The following CEACAM19 variants were observed in gnomAD, a reference collection of about 807,000 sequenced individuals.
The protein encoded by CEACAM19 is CEA cell adhesion molecule 19.
A neutral mutation model predicts 37.6 loss-of-function variants in CEACAM19; 37 were observed. The ratio of observed to expected loss-of-function variants is 0.98; its 90% CI spans 0.76 to 1.29. CEACAM19 has a LOEUF of 1.29. Ranked by LOEUF, CEACAM19 falls within the 50% of genes most tolerant of loss-of-function variation. The probability of loss-of-function intolerance (pLI) is 0.00; values close to 1 mark genes in which losing one functional copy is unlikely to be tolerated. For synonymous variants in CEACAM19, 140 were observed against 149.8 expected (o/e 0.93, Z 0.48); for missense variants, 340 against 375.6 (o/e 0.91, Z 0.78).
At chr19:44,680,061 G>T (rs909192450) in intron 4 of CEACAM19, among the ~76,000 whole-genome samples, 24 of 152,138 alleles carry the variant, frequency 1.6e-4, no homozygotes, top group Admixed American at 5.2e-4. Flanking sequence ...TGATGTCTGG[G>T]GAACACTATT....
chr19:44,683,451 C>T lies in CEACAM19; in HGVS notation c.861C>T (p.Pro287=), dbSNP rs745830356. 40 of 1,563,134 alleles carry T rather than the reference C, an allele frequency of 2.6e-5. No individual in the cohort carries two copies. The highest frequency in any genetic ancestry group is 1.1e-4 in the South Asian group (9 of 84,802). The change falls in exon 8 of 8, where the codon CCC becomes CCT. Residue 287 remains proline, a synonymous_variant. Transcript: ENST00000358777. ...ENHQYQDLLN[P]DPAPYCQLVP... is the part of the protein sequence containing the mutation. Reference sequence around the variant, plus strand: ...CCCCCAAGCAGGACCTGCTAAACCCCGACCCTGCCCCCTACTGCCAGCTGG... The same window carrying T: ...CCCCCAAGCAGGACCTGCTAAACCCTGACCCTGCCCCCTACTGCCAGCTGG...
rs1001120458 is a variant in CEACAM19 at position 44,676,556 on chromosome 19, C to A, written c.575+135C>A. 1.1e-4 allele frequency: 88 copies of A among 819,034 alleles called. No individual in the cohort carries two copies. The East Asian group carries it at 2.3e-3, about 21-fold the overall frequency. The allele number at this position is 819,034 out of a possible 1,614,324, so 50.7% of individuals were successfully genotyped here. ...TTGGAACTCCTGGGGTGAAAAGAAT[C>A]TTTCTATCCTGTATTAAACAGAATT... is the stretch of plus-strand genomic sequence containing the variant. On this transcript the variant is annotated intron_variant, in intron 3 of 7. Coordinates refer to ENST00000358777, the MANE Select transcript of CEACAM19 (RefSeq NM_001127893.3).
In CEACAM19 at chr19:44,680,299, C is replaced by T; in HGVS notation, c.671C>T (p.Thr224Ile). ...SVTPSTWMATTEKPELGPAHD... is the reference protein window; with the variant it reads ...SVTPSTWMATIEKPELGPAHD... ...CTATGTGTCCCCAGGATGGCGACCA[C>T]AGAGAAGCCAGAATTGGGCCCTGCT... Residue 224 changes from threonine (T) to isoleucine (I), a missense_variant, in exon 5 of 8, where the codon ACA becomes ATA. By Grantham distance (89) the Thr-to-Ile change is moderately conservative. Coordinates refer to ENST00000358777, the MANE Select transcript of CEACAM19 (RefSeq NM_001127893.3). 6.2e-7 allele frequency: 1 copy of T among 1,610,394 alleles called. No individual in the cohort carries two copies. Among genetic ancestry groups the T allele is most frequent in the Non-Finnish European group, 8.5e-7 (1 of 1,179,430 alleles).
At chr19:44,681,833 G>C (rs977243623) in intron 6 of CEACAM19, among the ~76,000 whole-genome samples, 9 of 152,008 alleles carry the variant, frequency 5.9e-5, no homozygotes, top group Non-Finnish European at 5.9e-5. Flanking sequence ...GGGAGGCTGA[G>C]GAAGGAGAAT....
chr19:44,675,483 G>A (rs746012107), intron 2 of CEACAM19, among the ~76,000 whole-genome samples: 2 of 151,968 alleles, frequency 1.3e-5, no homozygotes, highest in Non-Finnish European at 2.9e-5. Flanking sequence ...CAACCGAAGT[G>A]AGAAAAAGCA....
chr19:44,679,343 G>A (rs533246216), intron 4 of CEACAM19, among the ~76,000 whole-genome samples: 87 of 152,304 alleles, frequency 5.7e-4, no homozygotes, highest in Non-Finnish European at 1.1e-3. Flanking sequence ...AGTGGCTCAT[G>A]CCTGTAATCC....
intron 2 of CEACAM19, among the ~76,000 whole-genome samples, chr19:44,674,105 G>T (rs530435078): frequency 6.6e-6 from 1 of 151,992 alleles, no homozygotes; most frequent in African/African-American, 2.4e-5. Flanking sequence ...AATTAGCTGG[G>T]CATGGTGGTA....
chr19:44,668,002 TAG>T (rs1329033024), upstream of CEACAM19, among the ~76,000 whole-genome samples: 36 of 106 alleles, frequency 0.34, 2 homozygotes, highest in Admixed American at 0.47. Context: ...TATATTTATA[TAG>T]ATTTATATTA....
At chr19:44,671,225 G>C (rs1415701935), upstream of CEACAM19, 2 of 153,564 alleles carry the variant, frequency 1.3e-5, no homozygotes, top group Non-Finnish European at 2.9e-5. Context: ...AAGTTCAAGT[G>C]ATTCTCCTGC....
Position 44,671,577 on chromosome 19 carries a change from C to T in CEACAM19, c.-355C>T, listed in dbSNP as rs1043475192. On this transcript the variant is annotated 5_prime_UTR_variant, in exon 1 of 8. Transcript: ENST00000358777. ...TGAGGCAGTGTGTGTTTGAACAAAC[C>T]CAGGGGAATTGTTCAAACAGAGGCT... is the stretch of plus-strand genomic sequence containing the variant. 15 of 412,816 alleles carry T rather than the reference C, an allele frequency of 3.6e-5. No homozygotes were observed. Among genetic ancestry groups the T allele is most frequent in the Non-Finnish European group, 6.4e-5 (15 of 233,910 alleles). 25.6% of individuals were successfully genotyped at this position (412,816 alleles called of 1,614,324 possible). A position where few individuals can be genotyped will look rare whatever the true frequency, so the allele number is the denominator to read the frequency against.
chr19:44,672,540 T>C lies in CEACAM19; in HGVS notation c.56-56T>C, dbSNP rs144908619. 23 of 1,428,658 alleles carry C rather than the reference T, an allele frequency of 1.6e-5. No homozygotes were observed. The East Asian group carries it at 4.6e-4, about 29-fold the overall frequency. The allele number at this position is 1,428,658 out of a possible 1,614,324, so 88.5% of individuals were successfully genotyped here. ...GAAGATCTGTATCTAGAGAGGAGCATGCCATGGTCCCTGGCAACACCCCTG... is the reference window on the plus strand; with the variant it reads ...GAAGATCTGTATCTAGAGAGGAGCACGCCATGGTCCCTGGCAACACCCCTG... On this transcript the variant is annotated intron_variant, in intron 1 of 7. Coordinates refer to ENST00000358777, the MANE Select transcript of CEACAM19 (RefSeq NM_001127893.3).
chr19:44,678,670 C>G, intron 3 of CEACAM19, 183 bp from the exon 4 acceptor site: 1 of 793,546 alleles, frequency 1.3e-6, no homozygotes, highest in Non-Finnish European at 1.8e-6. Context: ...CTTGGCCTCC[C>G]AAAGTGTTGG....
upstream of CEACAM19, among the ~76,000 whole-genome samples, chr19:44,668,325 T>C (rs1340366973): frequency 1.5e-5 from 1 of 66,914 alleles, no homozygotes; most frequent in Non-Finnish European, 2.3e-5. Context: ...ATTATATTTA[T>C]ATAATATGTT....
chr19:44,676,081 G>T (rs1051038530), intron 2 of CEACAM19, among the ~76,000 whole-genome samples, 190 bp from the exon 3 acceptor site: 2 of 152,068 alleles, frequency 1.3e-5, no homozygotes, highest in African/African-American at 4.8e-5. Flanking sequence ...GCTGGGACAT[G>T]TTGGATTTTA....
chr19:44,674,553 A>G (rs1243964740), intron 2 of CEACAM19, among the ~76,000 whole-genome samples: 1 of 151,808 alleles, frequency 6.6e-6, no homozygotes, highest in Non-Finnish European at 1.5e-5. Flanking sequence ...GGCGCATGCC[A>G]TCACACCCAG....
intron 2 of CEACAM19, among the ~76,000 whole-genome samples, chr19:44,674,101 C>T (rs748601268): frequency 1.3e-5 from 2 of 152,030 alleles, no homozygotes; most frequent in Non-Finnish European, 2.9e-5. Flanking sequence ...CAAAAATTAG[C>T]TGGGCATGGT....
At chr19:44,668,345 TA>T (rs1472981484), upstream of CEACAM19, among the ~76,000 whole-genome samples, 1 of 4,438 alleles carries the variant, frequency 2.3e-4, no homozygotes. Flanking sequence ...TTATAATATA[TA>T]TAATATATTT....
intron 3 of CEACAM19, chr19:44,677,993 TAA>T (rs1343394579): frequency 1.3e-5 from 2 of 152,050 alleles, no homozygotes; most frequent in Non-Finnish European, 2.9e-5. Context: ...TTTTCTTTTT[TAA>T]AGAGACAGGG....
At chr19:44,669,671 C>T (rs572669715), upstream of CEACAM19, among the ~76,000 whole-genome samples, 72 of 152,220 alleles carry the variant, frequency 4.7e-4, no homozygotes, top group African/African-American at 1.7e-3. Flanking sequence ...GCTATTTATG[C>T]TGCCTGGTGC....
Sources: gnomAD v4.1 joint callset for allele counts (sites outside exome capture counted in the v4.1 genomes callset) on GRCh38, gnomAD v4.1.1 for gene constraint, MANE v1.5 for transcripts, NCBI Gene and HGNC (gene_info 2026-07-23, HGNC 2026-07-21) for gene names.